SFI1: variants seen among roughly 807,000 people sequenced by gnomAD.
SFI1 encodes protein SFI1 homolog.
SFI1 carries 195 observed loss-of-function variants against 207.5 expected under a neutral mutation model. That is an observed-to-expected ratio of 0.94 (90% confidence interval 0.84 to 1.06). SFI1 has a LOEUF of 1.06. SFI1 is among the 50% of genes least tolerant of loss of function. SFI1 has a pLI of 0.00. For missense variants in SFI1, 1,634 were observed against 1,588.0 expected (o/e 1.03, Z -0.49); for synonymous variants, 630 against 598.9 (o/e 1.05, Z -0.76).
At chr22:31,574,834 A>G (rs945871492) in intron 9 of SFI1, among the ~76,000 whole-genome samples, 3 of 152,048 alleles carry the variant, frequency 2.0e-5, no homozygotes, top group Admixed American at 2.0e-4. Context: ...AGGCGGGCGG[A>G]TCACTTGAGG....
chr22:31,497,542 T>G (rs767606878), intron 1 of SFI1, among the ~76,000 whole-genome samples: 2 of 152,090 alleles, frequency 1.3e-5, no homozygotes, highest in Admixed American at 1.3e-4. Flanking sequence ...TCCCTCTCGG[T>G]CCTCCTTGTA....
At chr22:31,497,038 G>A (rs939990798) in intron 1 of SFI1, among the ~76,000 whole-genome samples, 9 of 152,236 alleles carry the variant, frequency 5.9e-5, no homozygotes, top group African/African-American at 2.2e-4. Context: ...GGAAGGGCTG[G>A]TATATGGGCG....
chr22:31,606,147 G>A, intron 20 of SFI1, 181 bp from the exon 21 acceptor site: 1 of 620,348 alleles, frequency 1.6e-6, no homozygotes, highest in African/African-American at 1.8e-5. Context: ...CAGAGCAGCT[G>A]CTCAGTAGCC....
chr22:31,540,269 T>C (rs1388845171), intron 4 of SFI1, among the ~76,000 whole-genome samples: 1 of 145,408 alleles, frequency 6.9e-6, no homozygotes, highest in East Asian at 2.0e-4. Context: ...TTTTATTTTA[T>C]TTATTTATTT....
At chr22:31,598,016 T>C (rs1444314455) in intron 15 of SFI1, among the ~76,000 whole-genome samples, 8 of 151,954 alleles carry the variant, frequency 5.3e-5, no homozygotes, top group South Asian at 2.1e-4. Flanking sequence ...CTCGCTCTGT[T>C]GCCCAGGCTG....
chr22:31,526,130 C>G (rs558371623), intron 2 of SFI1, among the ~76,000 whole-genome samples: 1 of 152,216 alleles, frequency 6.6e-6, no homozygotes, highest in East Asian at 1.9e-4. Context: ...GGGAGTAGTA[C>G]TAGATAATCT....
At chr22:31,564,046 G>A (rs763218167) in intron 8 of SFI1, among the ~76,000 whole-genome samples, 3 of 151,700 alleles carry the variant, frequency 2.0e-5, no homozygotes, top group Non-Finnish European at 4.4e-5. Context: ...TTAGCAGATA[G>A]GCCAGGCGCG....
intron 14 of SFI1, among the ~76,000 whole-genome samples, chr22:31,586,016 T>A (rs1391153242): frequency 6.6e-6 from 1 of 152,106 alleles, no homozygotes; most frequent in African/African-American, 2.4e-5. Flanking sequence ...CCCTATAGTT[T>A]GGGGATAGAA....
At position 31,604,129 on chromosome 22, in the gene SFI1, G is replaced by A. The variant is rs527943452; in HGVS notation, c.1882-180G>A. 9.2e-5 allele frequency among the ~76,000 whole-genome samples: 14 copies of A among 152,190 alleles called. No individual in the cohort carries two copies. In the South Asian group the frequency reaches 1.7e-3, roughly 18 times the overall value. On this transcript the variant is annotated intron_variant, in intron 18 of 32. Transcript: ENST00000400288. Reference sequence around the variant, plus strand: ...AACTCACATTAATTGAGCTTTTACCGCAAATCAAGCACTTACCTCATCAAA... The same window carrying A: ...AACTCACATTAATTGAGCTTTTACCACAAATCAAGCACTTACCTCATCAAA...
intron 12 of SFI1, among the ~76,000 whole-genome samples, chr22:31,580,796 G>A (rs1453893650): frequency 6.6e-6 from 1 of 152,062 alleles, no homozygotes; most frequent in Non-Finnish European, 1.5e-5. Context: ...ACCCGCCTCA[G>A]CCTCCCAAAG....
intron 15 of SFI1, among the ~76,000 whole-genome samples, chr22:31,590,936 T>C (rs1045299911): frequency 1.3e-5 from 2 of 151,002 alleles, no homozygotes; most frequent in Admixed American, 1.3e-4. Context: ...CTTTTCTATA[T>C]TCCAACTTTT....
At chr22:31,513,557 T>TTTTTGTTTTGTTTTG (rs1555942718) in intron 2 of SFI1, among the ~76,000 whole-genome samples, 5 of 50,184 alleles carry the variant, frequency 1.0e-4, no homozygotes, top group Non-Finnish European at 1.7e-4. Context: ...GCACTTTGGT[T>TTTTTGTTTTGTTTTG]TTTCGTTTTG....
intron 5 of SFI1, among the ~76,000 whole-genome samples, chr22:31,549,356 T>G (rs1226304375): frequency 6.6e-6 from 1 of 151,174 alleles, no homozygotes; most frequent in Non-Finnish European, 1.5e-5. Context: ...TTTTTTTTTT[T>G]TAATTGAATT....
chr22:31,536,897 G>GTT (rs925220797), intron 4 of SFI1, among the ~76,000 whole-genome samples: 1 of 144,732 alleles, frequency 6.9e-6, no homozygotes, highest in Non-Finnish European at 1.5e-5. Context: ...TCTGTTTTTT[G>GTT]TTTTTTTTTT....
intron 1 of SFI1, among the ~76,000 whole-genome samples, chr22:31,503,088 A>G (rs147935397): frequency 2.4e-4 from 37 of 151,856 alleles, no homozygotes; most frequent in African/African-American, 8.7e-4. Context: ...TAACTGAGAA[A>G]TTAGTTGGAA....
At chr22:31,517,651 C>T (rs1007036041) in intron 2 of SFI1, among the ~76,000 whole-genome samples, 2 of 151,948 alleles carry the variant, frequency 1.3e-5, no homozygotes, top group East Asian at 3.8e-4. Context: ...AGTTAGGGAC[C>T]CTATTTCTTT....
chr22:31,612,841 G>C, intron 24 of SFI1: 1 of 414,716 alleles, frequency 2.4e-6, no homozygotes, highest in South Asian at 4.1e-5. Flanking sequence ...CACGTCCCCA[G>C]CTCCCTCTTC....
chr22:31,606,537 C>A, intron 21 of SFI1, 107 bp downstream of exon 21: 1 of 809,990 alleles, frequency 1.2e-6, no homozygotes, highest in Non-Finnish European at 2.0e-6. Context: ...GAATAAGGAA[C>A]CTAGAAAATG....
intron 4 of SFI1, among the ~76,000 whole-genome samples, chr22:31,534,405 T>C (rs1392606896): frequency 1.3e-5 from 2 of 152,212 alleles, no homozygotes; most frequent in Non-Finnish European, 2.9e-5. Context: ...TTACAACAAA[T>C]ATTTACCCTT....
Sources: gnomAD v4.1 joint callset for allele counts (sites outside exome capture counted in the v4.1 genomes callset) on GRCh38, gnomAD v4.1.1 for gene constraint, MANE v1.5 for transcripts, NCBI Gene and HGNC (gene_info 2026-07-23, HGNC 2026-07-21) for gene names.